Variants in CEACAM5 observed in about 807,000 individuals in gnomAD.
The protein encoded by CEACAM5 is CEA cell adhesion molecule 5, also known as cell adhesion molecule CEACAM5.
Under a neutral mutation model 63.0 loss-of-function variants are expected in CEACAM5, and 52 were observed. The ratio of observed to expected loss-of-function variants is 0.83; its 90% confidence interval spans 0.66 to 1.04. The LOEUF (loss-of-function observed/expected upper bound fraction) is 1.04, where lower values mean the gene tolerates loss of function less well. Among genes scored for constraint, CEACAM5 ranks in the 50% least tolerant of loss-of-function variants. The pLI is 0.00. For synonymous variants in CEACAM5, 357 were observed against 351.3 expected, an observed-to-expected ratio of 1.02 and a Z score of -0.18; for missense variants, 790 against 864.8, an observed-to-expected ratio of 0.91 and a Z score of 1.08.
chr19:41,719,880 A>G (rs782340037), intron 6 of CEACAM5, 50 bp from the exon 7 acceptor site: 3 of 1,609,212 alleles, frequency 1.9e-6, no homozygotes, highest in Non-Finnish European at 2.5e-6. Flanking sequence ...GATGCCTGTG[A>G]GGAATCAAAA....
chr19:41,730,315 A>G lies in CEACAM5; in HGVS notation c.*1168A>G, dbSNP rs1038667344. Reference sequence around the variant, plus strand: ...TGGGGGCCTGTAGTCCCAGCTACTCAGGAGGCTGAGGCAGGAGAACGGCAT... The same window carrying G: ...TGGGGGCCTGTAGTCCCAGCTACTCGGGAGGCTGAGGCAGGAGAACGGCAT... On this transcript the variant is annotated 3_prime_UTR_variant, in exon 10 of 10. Transcript: ENST00000221992. Among the ~76,000 whole-genome samples, 10 of 151,798 alleles carry G rather than the reference A, an allele frequency of 6.6e-5. No homozygotes were observed. Among genetic ancestry groups the G allele is most frequent in the South Asian group, 2.1e-4 (1 of 4,808 alleles).
In CEACAM5 at chr19:41,717,613, A is replaced by G. The variant is rs1555815276; in HGVS notation, c.1117A>G (p.Asn373Asp). ...LPVSPRLQLS[N>D]DNRTLTLLSV... is the part of the protein sequence containing the mutation. ...GGTCAGTCCCAGGCTGCAGCTGTCC[A>G]ATGACAACAGGACCCTCACTCTACT... Residue 373 changes from asparagine to aspartate, a missense_variant, in exon 5 of 10, where the codon AAT (asparagine) becomes GAT (aspartate). Coordinates refer to ENST00000221992, the MANE Select transcript of CEACAM5 (RefSeq NM_004363.6). 3 of 1,614,100 alleles carry G rather than the reference A, an allele frequency of 1.9e-6. No homozygotes were observed. Among genetic ancestry groups the G allele is most frequent in the South Asian group, 1.1e-5 (1 of 91,094 alleles).
In CEACAM5 at chr19:41,721,194, G is replaced by A; in HGVS notation, c.2026+18G>A. 1 of 1,613,546 alleles carries A rather than the reference G, an allele frequency of 6.2e-7. No homozygotes were observed. Among genetic ancestry groups the A allele is most frequent in the East Asian group, 2.2e-5 (1 of 44,870 alleles). ...AGTCTCTGGTAAGTGGCTCCCTGGA[G>A]CATCAGCATCATATTCTGGGGTGGA... On this transcript the variant is annotated intron_variant, in intron 8 of 9. Coordinates refer to ENST00000221992, the MANE Select transcript of CEACAM5 (RefSeq NM_004363.6).
intron 4 of CEACAM5, 76 bp downstream of exon 4, chr19:41,715,980 A>G: frequency 1.3e-6 from 2 of 1,541,186 alleles, no homozygotes; most frequent in South Asian, 1.2e-5. Context: ...AGCCAGGAAG[A>G]CATTTTCTAT....
In CEACAM5 at chr19:41,727,075, G is replaced by A. The variant is rs527483418; in HGVS notation, c.2027-159G>A. Among the ~76,000 whole-genome samples, 183 of 152,328 alleles carry A rather than the reference G, an allele frequency of 1.2e-3. 1 individual carries two copies. Among genetic ancestry groups the A allele is most frequent in the African/African-American group, 4.3e-3 (178 of 41,594 alleles). The stretch of plus-strand genomic sequence containing the variant: ...AGACTGATCACCAACTAGCAACACA[G>A]TGAGAGAGAAAAAATTGCAACTTTC... On this transcript the variant is annotated intron_variant, in intron 8 of 9. Coordinates refer to ENST00000221992, the MANE Select transcript of CEACAM5 (RefSeq NM_004363.6).
rs2072518363 is a variant in CEACAM5 at position 41,715,844 on chromosome 19, C to T, written c.898C>T (p.Gln300Ter). ...TVNNSGSYTC[Q>*]AHNSDTGLNR... ...GAATAATAGTGGATCCTATACGTGC[C>T]AAGCCCATAACTCAGACACTGGCCT... The change falls in exon 4 of 10, where the codon CAA becomes TAA. Residue 300 changes from glutamine (Q) to a stop codon, truncating the protein, a stop_gained. Transcript: ENST00000221992. LOFTEE classifies it high-confidence loss of function. The T allele has an allele frequency of 6.2e-7, 1 of 1,614,200 alleles. No individual in the cohort carries two copies. The highest frequency in any genetic ancestry group is 8.5e-7 in the Non-Finnish European group (1 of 1,180,042).
At chr19:41,724,791 A>G (rs186766948) in intron 8 of CEACAM5, among the ~76,000 whole-genome samples, 2 of 152,232 alleles carry the variant, frequency 1.3e-5, no homozygotes. Flanking sequence ...GTGTAGAAGT[A>G]CAACTGATGT....
chr19:41,720,930 G>C lies in CEACAM5; in HGVS notation c.1780G>C (p.Asp594His). The C allele has an allele frequency of 6.2e-7, 1 of 1,613,934 alleles. No individual in the cohort carries two copies. The highest frequency in any genetic ancestry group is 8.5e-7 in the Non-Finnish European group (1 of 1,179,990). Residue 594 changes from aspartate (D) to histidine (H), a missense_variant, in exon 8 of 10, where the codon GAC (aspartate) becomes CAC (histidine). Asp to His is a moderately conservative substitution (Grantham distance 81). Coordinates refer to ENST00000221992, the MANE Select transcript of CEACAM5 (RefSeq NM_004363.6). ...TGTTCTCTTTGTTCCAGATGGGCCG[G>C]ACACCCCCATCATTTCCCCCCCAGA... ...PVTLDVLYGP[D>H]TPIISPPDSS...
chr19:41,727,462 T>A (rs1279917744), intron 9 of CEACAM5, 110 bp downstream of exon 9: 2 of 680,604 alleles, frequency 2.9e-6, no homozygotes, highest in East Asian at 2.5e-5. Flanking sequence ...CTCTTCCTCC[T>A]ACCCCCAAGC....
intron 5 of CEACAM5, 75 bp downstream of exon 5, chr19:41,717,808 C>A: frequency 6.5e-7 from 1 of 1,538,462 alleles, no homozygotes; most frequent in South Asian, 1.2e-5. Context: ...GCCTCTCAGT[C>A]CCTCTCAGGC....
Position 41,708,876 on chromosome 19 carries a change from A to C in CEACAM5, c.64+81A>C, listed in dbSNP as rs1265642547. 3 of 1,041,734 alleles carry C rather than the reference A, an allele frequency of 2.9e-6. No homozygotes were observed. The East Asian group carries it at 7.7e-5, about 27-fold the overall frequency. The allele number at this position is 1,041,734 out of a possible 1,614,324, so 64.5% of individuals were successfully genotyped here. ...TAGGACAGGGCTGTGAGACGGACAG[A>C]GGGCTCCTGTTGGAGCCTGAATAGG... On this transcript the variant is annotated intron_variant, in intron 1 of 9. Transcript: ENST00000221992.
intron 3 of CEACAM5, 155 bp from the exon 4 acceptor site, chr19:41,715,495 A>G (rs2072510572): frequency 8.6e-7 from 1 of 1,166,848 alleles, no homozygotes; most frequent in East Asian, 2.4e-5. Context: ...AAACAGGTGA[A>G]TATCTCAGAC....
rs1350235734 is a variant in CEACAM5, at chr19:41,715,116, G to A, written c.570G>A (p.Arg190=). The A allele has an allele frequency of 1.9e-6, 3 of 1,614,074 alleles. No individual in the cohort carries two copies. The highest frequency in any genetic ancestry group is 3.3e-5 in the Admixed American group (2 of 60,000). The change falls in exon 3 of 10, where the codon AGG becomes AGA. Residue 190 remains arginine (R), a synonymous_variant. Coordinates refer to ENST00000221992, the MANE Select transcript of CEACAM5 (RefSeq NM_004363.6). ...VNNQSLPVSP[R]LQLSNGNRTL... The stretch of plus-strand genomic sequence containing the variant: ...ATCAGAGCCTCCCGGTCAGTCCCAG[G>A]CTGCAGCTGTCCAATGGCAACAGGA...
intron 9 of CEACAM5, among the ~76,000 whole-genome samples, chr19:41,728,896 T>C (rs565825825): frequency 1.3e-5 from 2 of 152,012 alleles, no homozygotes; most frequent in Non-Finnish European, 2.9e-5. Flanking sequence ...AGGAATCTAG[T>C]TGAGAAACAG....
At position 41,709,741 on chromosome 19, in the gene CEACAM5, G is replaced by A. The variant is rs781806673; in HGVS notation, c.126G>A (p.Pro42=). ...CCAAGCTCACTATTGAATCCACGCC[G>A]TTCAATGTCGCAGAGGGGAAGGAGG... ...TTAKLTIEST[P]FNVAEGKEVL... is the part of the protein sequence containing the mutation. The change falls in exon 2 of 10, where the codon CCG becomes CCA. Residue 42 remains proline (P), a synonymous_variant. Coordinates refer to ENST00000221992, the MANE Select transcript of CEACAM5 (RefSeq NM_004363.6). 60 of 1,614,006 alleles carry A rather than the reference G, an allele frequency of 3.7e-5. No individual in the cohort carries two copies. The highest frequency in any genetic ancestry group is 2.3e-4 in the Admixed American group (14 of 59,988).
chr19:41,710,449 C>A (rs1193664388), intron 2 of CEACAM5, among the ~76,000 whole-genome samples: 3 of 152,152 alleles, frequency 2.0e-5, no homozygotes, highest in African/African-American at 7.2e-5. Flanking sequence ...GGAGCCTGTG[C>A]CAGGGCTGTG....
In CEACAM5 at chr19:41,709,938, T is replaced by C. The variant is rs782552359; in HGVS notation, c.323T>C (p.Leu108Pro). 1.2e-6 allele frequency: 2 copies of C among 1,614,086 alleles called. No individual in the cohort carries two copies. The highest frequency in any genetic ancestry group is 1.7e-4 in the Middle Eastern group (1 of 6,060). The stretch of plus-strand genomic sequence containing the variant: ...ATAATATACCCCAATGCATCCCTGC[T>C]GATCCAGAACATCATCCAGAATGAC... ...REIIYPNASL[L>P]IQNIIQNDTG... is the part of the protein sequence containing the mutation. The change falls in exon 2 of 10, where the codon CTG (leucine) becomes CCG (proline). Residue 108 changes from leucine (L) to proline (P), a missense_variant. Physicochemically the swap from Leu to Pro is moderately conservative, Grantham distance 98 (BLOSUM62 -3). Coordinates refer to ENST00000221992, the MANE Select transcript of CEACAM5 (RefSeq NM_004363.6).
Position 41,715,919 on chromosome 19 carries a change from G to A in CEACAM5, c.958+15G>A, listed in dbSNP as rs368269873. ...CACAGTCTATGGTAAGTGGATCCAC[G>A]AAGCACTGACATCATGTTTTGAGGT... is the stretch of plus-strand genomic sequence containing the variant. On this transcript the variant is annotated intron_variant, in intron 4 of 9. Coordinates refer to ENST00000221992, the MANE Select transcript of CEACAM5 (RefSeq NM_004363.6). 1.3e-5 allele frequency: 21 copies of A among 1,609,742 alleles called. No homozygotes were observed. Among genetic ancestry groups the A allele is most frequent in the Middle Eastern group, 1.6e-4 (1 of 6,070 alleles).
chr19:41,715,898 GTC>G lies in CEACAM5; in HGVS notation c.954_955del (p.Tyr319CysfsTer19). The G allele has an allele frequency of 6.2e-7, 1 of 1,613,802 alleles. No homozygotes were observed. The highest frequency in any genetic ancestry group is 1.1e-5 in the South Asian group (1 of 91,054). ...TAGGACCACAGTCACGACGATCACA[GTC>G]TATGGTAAGTGGATCCACGAAGCAC... Reference protein sequence around the residue: ...LNRTTVTTITVYAEPPKPFIT... With the variant: ...LNRTTVTTITXYAEPPKPFIT... On this transcript the variant is annotated frameshift_variant, in exon 4 of 10. Transcript: ENST00000221992. LOFTEE classifies it high-confidence loss of function.
Sources: allele counts gnomAD v4.1 joint callset (sites outside exome capture counted in the v4.1 genomes callset), GRCh38; gene constraint gnomAD v4.1.1; transcripts MANE v1.5; gene names NCBI Gene and HGNC (gene_info 2026-07-23, HGNC 2026-07-21).